Variants in TM6SF1 observed in about 807,000 individuals in gnomAD.
TM6SF1 encodes the protein transmembrane 6 superfamily member 1.
A neutral mutation model predicts 47.1 loss-of-function variants in TM6SF1; 43 were observed. That is an observed-to-expected ratio of 0.91 (90% CI 0.72 to 1.18). The LOEUF is 1.18. Among genes scored for constraint, TM6SF1 ranks in the 50% most tolerant of loss-of-function variants. The pLI, the probability that TM6SF1 is intolerant of heterozygous loss-of-function variation, is 0.00. For missense variants in TM6SF1, 390 were observed against 449.0 expected (o/e 0.87, Z 1.19); for synonymous variants, 177 against 166.3 (o/e 1.06, Z -0.49).
chr15:83,120,673 C>T (rs1297479273), intron 4 of TM6SF1, among the ~76,000 whole-genome samples: 5 of 150,080 alleles, frequency 3.3e-5, no homozygotes, highest in Non-Finnish European at 5.9e-5. Context: ...CAGGTTCAAG[C>T]GATTCTCAGG....
intron 1 of TM6SF1, among the ~76,000 whole-genome samples, chr15:83,110,630 C>T (rs564014769): frequency 6.6e-6 from 1 of 152,274 alleles, no homozygotes; most frequent in Admixed American, 6.5e-5. Context: ...CACCACCTGC[C>T]TCAGGCTGTT....
intron 1 of TM6SF1, 157 bp from the exon 2 acceptor site, chr15:83,112,640 A>T: frequency 1.6e-6 from 1 of 636,476 alleles, no homozygotes; most frequent in Non-Finnish European, 2.8e-6. Flanking sequence ...GCTGCAGATA[A>T]ACTTCACTAA....
At chr15:83,130,484 ATGG>A (rs1404627431) in intron 9 of TM6SF1, 1 of 152,232 alleles carries the variant, frequency 6.6e-6, no homozygotes, top group African/African-American at 2.4e-5. Flanking sequence ...CCCTCTCTTG[ATGG>A]TGAATGCCCA....
At chr15:83,129,774 T>A (rs1293731136) in intron 9 of TM6SF1, 3 of 152,346 alleles carry the variant, frequency 2.0e-5, no homozygotes, top group Non-Finnish European at 4.4e-5. Flanking sequence ...AAGTGGGGCT[T>A]TATTAGGCTG....
In TM6SF1 at chr15:83,107,735, G is replaced by T. The variant is rs201297294; in HGVS notation, c.55G>T (p.Val19Phe). The T allele has an allele frequency of 4.8e-5, 76 of 1,584,116 alleles. No homozygotes were observed. The East Asian group carries it at 1.7e-3, about 34-fold the overall frequency. Residue 19 changes from valine (V) to phenylalanine (F), a missense_variant, in exon 1 of 10, where the codon GTC becomes TTC. Transcript: ENST00000322019. This position sits in a 1 kb window ranked among gnomAD's most constrained non-coding sequence, Gnocchi z 5.6. ...VFVLSLSAIP[V>F]TYVFNHLAAQ... Reference sequence around the variant, plus strand: ...CGTGCTGTCCCTCTCGGCCATCCCGGTCACCTATGTCTTCAACCACCTGGC... The same window carrying T: ...CGTGCTGTCCCTCTCGGCCATCCCGTTCACCTATGTCTTCAACCACCTGGC...
rs768730617 is a variant in TM6SF1 at position 83,107,667 on chromosome 15, G to A, written c.-14G>A. The A allele has an allele frequency of 2.0e-6, 3 of 1,538,358 alleles. No homozygotes were observed. Among genetic ancestry groups the A allele is most frequent in the South Asian group, 2.4e-5 (2 of 82,926 alleles). On this transcript the variant is annotated 5_prime_UTR_variant, in exon 1 of 10. Coordinates refer to ENST00000322019, the MANE Select transcript of TM6SF1 (RefSeq NM_023003.5). The surrounding 1 kb of genome is among the most constrained non-coding windows in gnomAD (Gnocchi z 5.6). ...AGCGGGATGCGGTGAAGGGCGAGCGGCGCGGCGGCTGCGATGAGTGCCTCT... is the reference window on the plus strand; with the variant it reads ...AGCGGGATGCGGTGAAGGGCGAGCGACGCGGCGGCTGCGATGAGTGCCTCT...
intron 4 of TM6SF1, among the ~76,000 whole-genome samples, 181 bp from the exon 5 acceptor site, chr15:83,121,740 C>T (rs186375242): frequency 4.5e-4 from 69 of 152,308 alleles, no homozygotes; most frequent in Non-Finnish European, 2.9e-4. Flanking sequence ...TATAGTATAT[C>T]ACATGGCAAT....
intron 9 of TM6SF1, chr15:83,129,675 C>T (rs1165170931): frequency 2.0e-5 from 3 of 152,204 alleles, no homozygotes; most frequent in Non-Finnish European, 4.4e-5. Context: ...GCACAGAGTC[C>T]TACAGCACAA....
chr15:83,111,592 T>C, intron 1 of TM6SF1: 10 of 985,050 alleles, frequency 1.0e-5, no homozygotes, highest in Non-Finnish European at 1.2e-5. Context: ...GTGATAGTTA[T>C]CCAAAGGTCC....
chr15:83,126,895 T>C (rs1355511039), intron 8 of TM6SF1, 48 bp downstream of exon 8: 1 of 1,499,716 alleles, frequency 6.7e-7, no homozygotes, highest in African/African-American at 1.4e-5. Flanking sequence ...AATTTTCTTT[T>C]TAAAAAATGG....
At chr15:83,126,886 ATT>A in intron 8 of TM6SF1, 39 bp downstream of exon 8, 1 of 1,542,068 alleles carries the variant, frequency 6.5e-7, no homozygotes, top group Non-Finnish European at 8.9e-7. Flanking sequence ...TCTAAAATTA[ATT>A]TTCTTTTTAA....
At chr15:83,118,148 C>T (rs867681529) in intron 3 of TM6SF1, among the ~76,000 whole-genome samples, 5 of 151,976 alleles carry the variant, frequency 3.3e-5, no homozygotes, top group East Asian at 1.9e-4. Context: ...GATCGCTTGA[C>T]GCCAGGAGTT....
At chr15:83,127,525 A>C in intron 9 of TM6SF1, 48 bp downstream of exon 9, 2 of 1,603,898 alleles carry the variant, frequency 1.2e-6, no homozygotes, top group African/African-American at 2.7e-5. Context: ...TCTAGGTGTC[A>C]ATTGTTGAAT....
At chr15:83,133,090 T>A (rs2036363651) in intron 9 of TM6SF1, 1 of 152,206 alleles carries the variant, frequency 6.6e-6, no homozygotes, top group South Asian at 2.1e-4. Context: ...TAACAACCTA[T>A]GAGGTGGGTT....
intron 9 of TM6SF1, 165 bp downstream of exon 9, chr15:83,127,642 T>C (rs2035885544): frequency 1.4e-6 from 1 of 692,502 alleles, no homozygotes; most frequent in East Asian, 2.8e-5. Context: ...GTACATTTTA[T>C]TTCAATCTCA....
intron 6 of TM6SF1, among the ~76,000 whole-genome samples, chr15:83,123,705 AGAG>A (rs2035475023): frequency 2.0e-5 from 3 of 152,246 alleles, no homozygotes; most frequent in Admixed American, 2.0e-4. Context: ...CTCTGAGGAA[AGAG>A]GTGGCTGTTA....
intron 7 of TM6SF1, among the ~76,000 whole-genome samples, chr15:83,126,331 T>G (rs548579318): frequency 6.6e-6 from 1 of 152,282 alleles, no homozygotes; most frequent in East Asian, 1.9e-4. Flanking sequence ...TACGCTATGA[T>G]GCACTGGAGA....
intron 9 of TM6SF1, chr15:83,130,392 A>C (rs2036146232): frequency 6.6e-6 from 1 of 152,344 alleles, no homozygotes; most frequent in Non-Finnish European, 1.5e-5. Flanking sequence ...TGGCAGCCGC[A>C]GGGGCATTAC....
At position 83,107,879 on chromosome 15, in the gene TM6SF1, G is replaced by T. The variant is rs2033806688; in HGVS notation, c.92+107G>T. 1 of 1,353,632 alleles carries T rather than the reference G, an allele frequency of 7.4e-7. No homozygotes were observed. Among genetic ancestry groups the T allele is most frequent in the African/African-American group, 1.5e-5 (1 of 65,438 alleles). 83.9% of individuals were successfully genotyped at this position (1,353,632 alleles called of 1,614,324 possible). A position where few individuals can be genotyped will look rare whatever the true frequency, so the allele number is the denominator to read the frequency against. On this transcript the variant is annotated intron_variant, in intron 1 of 9. Coordinates refer to ENST00000322019, the MANE Select transcript of TM6SF1 (RefSeq NM_023003.5). The surrounding 1 kb of genome is among the most constrained non-coding windows in gnomAD (Gnocchi z 5.6). ...GAGGGGGCTGGGACCGTCCGCCGCG[G>T]GACAGAGGTTCGTGGCCGCAGGGGC...
Sources: gnomAD v4.1 joint callset for allele counts (sites outside exome capture counted in the v4.1 genomes callset) on GRCh38, gnomAD v4.1.1 for gene constraint, Gnocchi (gnomAD v3.1) non-coding constraint, MANE v1.5 for transcripts, NCBI Gene and HGNC (gene_info 2026-07-23, HGNC 2026-07-21) for gene names.